The following NLRP1 variants were observed in gnomAD, a reference collection of about 807,000 sequenced individuals.
NLRP1 encodes NACHT, LRR and PYD domains-containing protein 1.
In NLRP1, 94 loss-of-function variants were observed where a neutral mutation model predicts 136.7. That is an observed-to-expected ratio of 0.69 (90% CI 0.58 to 0.82). The LOEUF is 0.82. NLRP1 is among the 40% of genes least tolerant of loss of function. NLRP1 has a pLI of 0.00. For synonymous variants in NLRP1, 690 were observed against 725.1 expected (o/e 0.95, Z 0.78); for missense variants, 1,575 against 1,802.7 (o/e 0.87, Z 2.29).
At chr17:5,582,556 C>A (rs1222493831) in intron 2 of NLRP1, 114 bp downstream of exon 2, 3 of 1,008,240 alleles carry the variant, frequency 3.0e-6, no homozygotes, top group Admixed American at 4.6e-5. Context: ...CCCTATCCTT[C>A]CTCTGCTGTC....
chr17:5,539,642 G>T, intron 6 of NLRP1, 57 bp from the exon 7 acceptor site: 5 of 1,469,836 alleles, frequency 3.4e-6, no homozygotes, highest in Non-Finnish European at 4.5e-6. Context: ...GCTCTTCAGG[G>T]TAACTAGGGT....
chr17:5,532,041 G>C (rs151296305), intron 11 of NLRP1, among the ~76,000 whole-genome samples: 1 of 152,150 alleles, frequency 6.6e-6, no homozygotes, highest in African/African-American at 2.4e-5. Context: ...TCAGGAGTTC[G>C]AGACCAGCCT....
intron 15 of NLRP1, among the ~76,000 whole-genome samples, chr17:5,506,571 C>T (rs1422499074): frequency 6.6e-6 from 1 of 152,076 alleles, no homozygotes; most frequent in Non-Finnish European, 1.5e-5. Context: ...CATAGACATA[C>T]AATGGGATGT....
intron 3 of NLRP1, among the ~76,000 whole-genome samples, chr17:5,580,806 T>C (rs938755466): frequency 2.0e-5 from 3 of 152,250 alleles, no homozygotes; most frequent in African/African-American, 7.2e-5. Context: ...GTTATCTTTG[T>C]GATTCTCAAA....
At chr17:5,519,868 T>C (rs955100776) in intron 14 of NLRP1, among the ~76,000 whole-genome samples, 2 of 141,718 alleles carry the variant, frequency 1.4e-5, no homozygotes, top group African/African-American at 5.3e-5. Context: ...TTTTTTTTTT[T>C]TTTTTTGAGA....
In NLRP1 at chr17:5,561,426, G is replaced by GTTT. The variant is rs61194384; in HGVS notation, c.653-1386_653-1384dup. Reference sequence around the variant, plus strand: ...GATAGATCAAAAAGCATGCCATGTGGTTTTTTTTTTTTTTTTTTTTTTTTT... The same window carrying GTTT: ...GATAGATCAAAAAGCATGCCATGTGGTTTTTTTTTTTTTTTTTTTTTTTTTTTT... On this transcript the variant is annotated intron_variant, in intron 3 of 16. Transcript: ENST00000572272. 1.3e-3 allele frequency among the ~76,000 whole-genome samples: 68 copies of GTTT among 50,404 alleles called. 16 individuals are homozygous for GTTT. The highest frequency in any genetic ancestry group is 3.5e-3 in the African/African-American group (38 of 10,810). 33.1% of individuals were successfully genotyped at this position (50,404 alleles called of 152,430 possible).
At chr17:5,531,777 T>C (rs1597411617) in intron 11 of NLRP1, among the ~76,000 whole-genome samples, 1 of 152,212 alleles carries the variant, frequency 6.6e-6, no homozygotes, top group Non-Finnish European at 1.5e-5. Context: ...CTGTAAGCCC[T>C]GGGAGGGCAG....
chr17:5,502,291 C>CTTT (rs35078343), intron 15 of NLRP1: 4 of 154,372 alleles, frequency 2.6e-5, no homozygotes, highest in South Asian at 1.4e-4. Flanking sequence ...GGTGCAGTTC[C>CTTT]TTTTTTTTTT....
chr17:5,539,789 A>G (rs35018100), intron 6 of NLRP1: 13,879 of 378,858 alleles, frequency 0.037, 503 homozygotes, highest in South Asian at 0.18. Context: ...TCAGGATGCC[A>G]GCACCTACCC....
chr17:5,510,663 G>A (rs1907579390), downstream of NLRP1, among the ~76,000 whole-genome samples: 1 of 151,672 alleles, frequency 6.6e-6, no homozygotes, highest in South Asian at 2.1e-4. Flanking sequence ...CACTGCATCT[G>A]GCCAAAAAAA....
Position 5,583,851 on chromosome 17 carries a change from C to G in NLRP1, c.107G>C (p.Ser36Thr). Reference sequence around the variant, plus strand: ...CTGAGCGGGTGTCTCACCCGAAGAGCTCCTGGAGTGCGCTTTATTGGCGAG... The same window carrying G: ...CTGAGCGGGTGTCTCACCCGAAGAGGTCCTGGAGTGCGCTTTATTGGCGAG... Reference protein sequence around the residue: ...LLLANKAHSRSSSGETPAQPE... With the variant: ...LLLANKAHSRTSSGETPAQPE... Residue 36 changes from serine to threonine, a missense_variant, in exon 1 of 17, where the codon AGC becomes ACC. Physicochemically the swap from Ser to Thr is moderately conservative, Grantham distance 58 (BLOSUM62 1). Coordinates refer to ENST00000572272, the MANE Select transcript of NLRP1 (RefSeq NM_033004.4). This position sits in a 1 kb window ranked among gnomAD's most constrained non-coding sequence, Gnocchi z 4.5. 6.4e-7 allele frequency: 1 copy of G among 1,574,324 alleles called. No individual in the cohort carries two copies. Among genetic ancestry groups the G allele is most frequent in the Non-Finnish European group, 8.6e-7 (1 of 1,157,902 alleles).
At chr17:5,527,403 T>G (rs1219172298) in intron 12 of NLRP1, among the ~76,000 whole-genome samples, 12 of 152,272 alleles carry the variant, frequency 7.9e-5, no homozygotes, top group Non-Finnish European at 1.5e-4. Flanking sequence ...GTAAATCCTA[T>G]CTGGCCACAA....
chr17:5,561,935 T>C (rs1411346944), intron 3 of NLRP1, among the ~76,000 whole-genome samples: 3 of 152,056 alleles, frequency 2.0e-5, no homozygotes, highest in Non-Finnish European at 4.4e-5. Context: ...CGAGAAACAC[T>C]CTGAAGGCAG....
rs896086642 is a variant in NLRP1 at position 5,581,957 on chromosome 17, C to T, written c.554G>A (p.Ser185Asn). ...NAPTSTAVLG[S>N]WGSPPQPSLA... ...GCTGGGCTGAGGTGGGGATCCCCAG[C>T]TCCCCAGCACTGCTGTGGATGTGGG... Residue 185 changes from serine (S) to asparagine (N), a missense_variant, in exon 3 of 17, where the codon AGC becomes AAC. By Grantham distance (46) the Ser-to-Asn change is conservative. Coordinates refer to ENST00000572272, the MANE Select transcript of NLRP1 (RefSeq NM_033004.4). 4.3e-6 allele frequency: 7 copies of T among 1,613,312 alleles called. No individual in the cohort carries two copies. In the African/African-American group the frequency reaches 8.0e-5, roughly 18 times the overall value.
chr17:5,553,649 C>T, intron 4 of NLRP1, 93 bp from the exon 5 acceptor site: 6 of 1,178,800 alleles, frequency 5.1e-6, no homozygotes, highest in Non-Finnish European at 7.3e-6. Context: ...GCTTTGTCCC[C>T]CTGAGCACCA....
chr17:5,522,325 G>A (rs1486817789), intron 12 of NLRP1, among the ~76,000 whole-genome samples: 1 of 152,196 alleles, frequency 6.6e-6, no homozygotes, highest in African/African-American at 2.4e-5. Context: ...AGGTGATTAG[G>A]TCATGGGGGT....
intron 15 of NLRP1, among the ~76,000 whole-genome samples, chr17:5,516,188 C>T (rs757882909): frequency 6.6e-6 from 1 of 151,996 alleles, no homozygotes; most frequent in Non-Finnish European, 1.5e-5. Flanking sequence ...GAGGTGGGCA[C>T]AGGGGAGGGA....
chr17:5,541,220 A>C lies in NLRP1; in HGVS notation c.2699+637T>G, dbSNP rs1911824217. On this transcript the variant is annotated intron_variant, in intron 6 of 16. Coordinates refer to ENST00000572272, the MANE Select transcript of NLRP1 (RefSeq NM_033004.4). This position sits in a 1 kb window ranked among gnomAD's most constrained non-coding sequence, Gnocchi z 4.2. The stretch of plus-strand genomic sequence containing the variant: ...ACCATCACGCCTGGCTACTTTGTGT[A>C]GTTTTAGTAGAGACAAGGTTTCACC... Among the ~76,000 whole-genome samples, 1 of 152,026 alleles carries C rather than the reference A, an allele frequency of 6.6e-6. No homozygotes were observed. Among genetic ancestry groups the C allele is most frequent in the Non-Finnish European group, 1.5e-5 (1 of 67,992 alleles).
At chr17:5,574,531 G>A (rs1904805622) in intron 3 of NLRP1, among the ~76,000 whole-genome samples, 1 of 151,998 alleles carries the variant, frequency 6.6e-6, no homozygotes, top group Admixed American at 6.6e-5. Flanking sequence ...TGAAATGAAG[G>A]AAAAAATGTT....
Sources: gnomAD v4.1 joint callset for allele counts (sites outside exome capture counted in the v4.1 genomes callset) on GRCh38, gnomAD v4.1.1 for gene constraint, Gnocchi (gnomAD v3.1) non-coding constraint, MANE v1.5 for transcripts, NCBI Gene and HGNC (gene_info 2026-07-23, HGNC 2026-07-21) for gene names.